Variants in TOLLIP observed in about 807,000 individuals in gnomAD.
The protein encoded by TOLLIP is toll-interacting protein.
TOLLIP carries 16 observed loss-of-function variants against 33.5 expected under a neutral mutation model. That is an observed-to-expected ratio of 0.48 (90% confidence interval 0.32 to 0.72). The LOEUF (loss-of-function observed/expected upper bound fraction) is 0.72, where lower values mean the gene tolerates loss of function less well. Ranked by LOEUF, TOLLIP falls within the 30% of genes least tolerant of loss-of-function variation. The pLI, the probability that TOLLIP is intolerant of heterozygous loss-of-function variation, is 0.03. For synonymous variants in TOLLIP, 176 were observed against 163.7 expected (o/e 1.07, Z -0.57); for missense variants, 325 against 396.6 (o/e 0.82, Z 1.53).
At chr11:1,283,493 G>A (rs888476155) in intron 5 of TOLLIP, 14 of 454,456 alleles carry the variant, frequency 3.1e-5, no homozygotes, top group African/African-American at 1.2e-4. Flanking sequence ...TGGGGGCTCC[G>A]GTGGGGCGTC....
At chr11:1,292,587 A>G (rs1169558405) in intron 2 of TOLLIP, among the ~76,000 whole-genome samples, 1 of 152,206 alleles carries the variant, frequency 6.6e-6, no homozygotes, top group Non-Finnish European at 1.5e-5. Flanking sequence ...GACCTCCTCG[A>G]TGTTTATGGA....
chr11:1,295,620 G>C, intron 2 of TOLLIP, 25 bp downstream of exon 2: 1 of 1,520,512 alleles, frequency 6.6e-7, no homozygotes, highest in South Asian at 1.2e-5. Context: ...GCCCCAGGCA[G>C]GCAGGAGGGT....
At chr11:1,279,668 C>T (rs868025180) in intron 5 of TOLLIP, among the ~76,000 whole-genome samples, 2 of 152,228 alleles carry the variant, frequency 1.3e-5, no homozygotes, top group African/African-American at 4.8e-5. Flanking sequence ...ACAGGCCCCA[C>T]CTCACGTTCT....
At chr11:1,298,969 C>A (rs888752102) in intron 1 of TOLLIP, among the ~76,000 whole-genome samples, 1 of 152,210 alleles carries the variant, frequency 6.6e-6, no homozygotes, top group East Asian at 1.9e-4. Flanking sequence ...GATGGCTAAA[C>A]GCAAGGCAGG....
chr11:1,301,438 G>A (rs1015032519), intron 1 of TOLLIP, among the ~76,000 whole-genome samples: 2 of 139,122 alleles, frequency 1.4e-5, no homozygotes, highest in Non-Finnish European at 3.0e-5. Context: ...GTCTGAGATC[G>A]CACATGTGTC....
intron 4 of TOLLIP, among the ~76,000 whole-genome samples, chr11:1,287,913 C>G (rs546361616): frequency 3.4e-5 from 5 of 146,954 alleles, no homozygotes; most frequent in African/African-American, 1.3e-4. Flanking sequence ...CTCTGCTGCA[C>G]CCTCTCTGCT....
intron 4 of TOLLIP, among the ~76,000 whole-genome samples, chr11:1,287,104 A>C (rs1004858176): frequency 1.3e-5 from 2 of 150,680 alleles, no homozygotes; most frequent in Admixed American, 1.3e-4. Flanking sequence ...TGAGTTCAAA[A>C]CTGTCAGCTG....
At chr11:1,307,284 T>C (rs1275058478) in intron 1 of TOLLIP, among the ~76,000 whole-genome samples, 2 of 152,224 alleles carry the variant, frequency 1.3e-5, no homozygotes, top group Non-Finnish European at 2.9e-5. Flanking sequence ...CTGAAATACC[T>C]GCTCGTCTAC....
Position 1,287,428 on chromosome 11 carries a change from C to T in TOLLIP, c.519+1196G>A, listed in dbSNP as rs868281980. ...GCCGCAGCCTCCCCGCCGCACCCTC[C>T]CCGCCGCAGCCTCCCCGCCGCACCC... is the stretch of plus-strand genomic sequence containing the variant. On this transcript the variant is annotated intron_variant, in intron 4 of 5. Transcript: ENST00000317204. Among the ~76,000 whole-genome samples, 5 of 113,464 alleles carry T rather than the reference C, an allele frequency of 4.4e-5. 1 individual carries two copies. Among genetic ancestry groups the T allele is most frequent in the African/African-American group, 6.8e-5 (2 of 29,344 alleles). The allele number at this position is 113,464 out of a possible 152,430, so 74.4% of individuals were successfully genotyped here.
In TOLLIP at chr11:1,276,444, C is replaced by G. The variant is rs1182679451; in HGVS notation, c.*595G>C. The G allele has an allele frequency of 3.2e-6, 1 of 309,078 alleles. No homozygotes were observed. The highest frequency in any genetic ancestry group is 2.2e-5 in the African/African-American group (1 of 45,550). The allele number at this position is 309,078 out of a possible 1,614,324, so 19.1% of individuals were successfully genotyped here. A position where few individuals can be genotyped will look rare whatever the true frequency, so the allele number is the denominator to read the frequency against. ...CTTCAGGCCGGAGTCTGTCACAAGG[C>G]TGGCTGGACAGTGGCCAGGTGAGCC... On this transcript the variant is annotated 3_prime_UTR_variant, in exon 6 of 6. Coordinates refer to ENST00000317204, the MANE Select transcript of TOLLIP (RefSeq NM_019009.4).
chr11:1,279,374 G>T (rs1325419559), intron 5 of TOLLIP, among the ~76,000 whole-genome samples: 1 of 152,254 alleles, frequency 6.6e-6, no homozygotes, highest in Non-Finnish European at 1.5e-5. Context: ...GCCCATCCTG[G>T]TTACCAAGCA....
At position 1,278,187 on chromosome 11, in the gene TOLLIP, G is replaced by A. The variant is rs551291767; in HGVS notation, c.611-934C>T. ...AGCCCTGAGCACAGGCAGCGTGCGC[G>A]GGGCTCAGCGACCAGTGAGGCACAG... On this transcript the variant is annotated intron_variant, in intron 5 of 5. Transcript: ENST00000317204. The surrounding 1 kb of genome is among the most constrained non-coding windows in gnomAD (Gnocchi z 4.7). Among the ~76,000 whole-genome samples the A allele has an allele frequency of 9.9e-5, 15 of 151,556 alleles. No homozygotes were observed. The highest frequency in any genetic ancestry group is 1.3e-4 in the Non-Finnish European group (9 of 68,008).
chr11:1,283,446 C>A, intron 5 of TOLLIP: 1 of 431,802 alleles, frequency 2.3e-6, no homozygotes, highest in Non-Finnish European at 4.6e-6. Flanking sequence ...CCAGGGACGC[C>A]CCTGCTTATT....
At chr11:1,300,684 G>A (rs1041411531) in intron 1 of TOLLIP, among the ~76,000 whole-genome samples, 6 of 152,174 alleles carry the variant, frequency 3.9e-5, no homozygotes, top group African/African-American at 1.4e-4. Flanking sequence ...CACACTTTCT[G>A]CCTTGACAGA....
rs749188185 is a variant in TOLLIP at position 1,290,260 on chromosome 11, G to C, written c.333C>G (p.Gly111=). The C allele has an allele frequency of 1.2e-6, 2 of 1,613,354 alleles. No individual in the cohort carries two copies. The highest frequency in any genetic ancestry group is 1.7e-6 in the Non-Finnish European group (2 of 1,179,974). The part of the protein sequence containing the change: ...NKVIHCTVPP[G]VDSFYLEIFD... Reference sequence around the variant, plus strand: ...AGATCTCGAGATAGAAAGAGTCCACGCCTGGGGGCACCGTGCAGTGGATGA... The same window carrying C: ...AGATCTCGAGATAGAAAGAGTCCACCCCTGGGGGCACCGTGCAGTGGATGA... Residue 111 remains glycine (G), a synonymous_variant, in exon 3 of 6, where the codon GGC becomes GGG. Coordinates refer to ENST00000317204, the MANE Select transcript of TOLLIP (RefSeq NM_019009.4). This position sits in a 1 kb window ranked among gnomAD's most constrained non-coding sequence, Gnocchi z 4.9.
At position 1,285,190 on chromosome 11, in the gene TOLLIP, G is replaced by A. The variant is rs1008872051; in HGVS notation, c.610+812C>T. ...ACCACGCATCCCTAGCGCCCTGCCC[G>A]CAACTTGGCCACTTCCATGGCCTGG... On this transcript the variant is annotated intron_variant, in intron 5 of 5. Coordinates refer to ENST00000317204, the MANE Select transcript of TOLLIP (RefSeq NM_019009.4). 7.2e-5 allele frequency among the ~76,000 whole-genome samples: 11 copies of A among 151,882 alleles called. No homozygotes were observed. The South Asian group carries it at 1.2e-3, about 17-fold the overall frequency.
rs147728317 is a variant in TOLLIP, at chr11:1,300,582, C to T, written c.34-4788G>A. ...ATTCCTGTTGGTGACACGTCTCCAA[C>T]GGAGAGAGCCGCTGCTTCCTTGGGC... On this transcript the variant is annotated intron_variant, in intron 1 of 5. Coordinates refer to ENST00000317204, the MANE Select transcript of TOLLIP (RefSeq NM_019009.4). Among the ~76,000 whole-genome samples the T allele has an allele frequency of 7.0e-4, 107 of 152,348 alleles. 3 individuals carry two copies. The East Asian group carries it at 0.016, about 23-fold the overall frequency.
At position 1,277,174 on chromosome 11, in the gene TOLLIP, G is replaced by A. The variant is rs147065932; in HGVS notation, c.690C>T (p.Ser230=). Residue 230 remains serine (S), a synonymous_variant, in exon 6 of 6, where the codon AGC becomes AGT. Transcript: ENST00000317204. This position sits in a 1 kb window ranked among gnomAD's most constrained non-coding sequence, Gnocchi z 4.2. ...CCTGGATGGCTTTCAGGTCCTCCTC[G>A]CTACAGCGGGGCTGGGCGTTCACGG... The part of the protein sequence containing the change: ...PAAVNAQPRC[S]EEDLKAIQDM... The A allele has an allele frequency of 3.2e-4, 522 of 1,610,402 alleles. No homozygotes were observed. In the African/African-American group the frequency reaches 6.1e-3, roughly 19 times the overall value.
chr11:1,286,068 G>A lies in TOLLIP; in HGVS notation c.544C>T (p.Pro182Ser). The change falls in exon 5 of 6, where the codon CCA becomes TCA. Residue 182 changes from proline to serine, a missense_variant. Coordinates refer to ENST00000317204, the MANE Select transcript of TOLLIP (RefSeq NM_019009.4). ...YALLPAAMVM[P>S]PQPVVLMPTV... ...GGCATCAGGACCACGGGCTGGGGTG[G>A]CATCACCATGGCAGCTGGAAGCAGC... 6.3e-7 allele frequency: 1 copy of A among 1,598,798 alleles called. No homozygotes were observed. The highest frequency in any genetic ancestry group is 8.5e-7 in the Non-Finnish European group (1 of 1,173,960).
Sources: gnomAD v4.1 joint callset for allele counts (sites outside exome capture counted in the v4.1 genomes callset) on GRCh38, gnomAD v4.1.1 for gene constraint, Gnocchi (gnomAD v3.1) non-coding constraint, MANE v1.5 for transcripts, NCBI Gene and HGNC (gene_info 2026-07-23, HGNC 2026-07-21) for gene names.